The following OPCML variants were observed in gnomAD, a reference collection of about 807,000 sequenced individuals.
OPCML encodes opioid binding protein/cell adhesion molecule like.
In OPCML, 13 loss-of-function variants were observed where a neutral mutation model predicts 37.8. That is an observed-to-expected ratio of 0.34 (90% confidence interval 0.22 to 0.55). OPCML has a LOEUF of 0.55. Among genes scored for constraint, OPCML ranks in the 20% least tolerant of loss-of-function variants. The pLI, the probability that OPCML is intolerant of heterozygous loss-of-function variation, is 0.91. For synonymous variants in OPCML, 176 were observed against 168.8 expected, an observed-to-expected ratio of 1.04 and a Z score of -0.33; for missense variants, 341 against 435.6, an observed-to-expected ratio of 0.78 and a Z score of 1.93.
chr11:132,754,290 G>A lies in OPCML; in HGVS notation c.147-96971C>T, dbSNP rs192037726. Among the ~76,000 whole-genome samples the A allele has an allele frequency of 1.4e-3, 206 of 152,304 alleles. 1 individual carries two copies. Among genetic ancestry groups the A allele is most frequent in the African/African-American group, 4.5e-3 (188 of 41,570 alleles). On this transcript the variant is annotated intron_variant, in intron 2 of 7. Coordinates refer to ENST00000524381, the MANE Select transcript of OPCML (RefSeq NM_001012393.5). ...ATTCTGATGTGTTGTGGAGGGACCCGATGGGAGTTTATTGAATCATGGGGA... is the reference window on the plus strand; with the variant it reads ...ATTCTGATGTGTTGTGGAGGGACCCAATGGGAGTTTATTGAATCATGGGGA...
chr11:133,234,306 A>G (rs1203101571), intron 1 of OPCML, among the ~76,000 whole-genome samples: 1 of 152,168 alleles, frequency 6.6e-6, no homozygotes, highest in African/African-American at 2.4e-5. Context: ...GAATAACCAA[A>G]CCTCTGGTCT....
intron 1 of OPCML, among the ~76,000 whole-genome samples, chr11:133,358,451 G>T (rs1047633470): frequency 1.3e-5 from 2 of 152,090 alleles, no homozygotes; most frequent in African/African-American, 2.4e-5. Context: ...CTGTGCTATT[G>T]GACAAGCCAA....
In OPCML at chr11:133,173,750, G is replaced by A. The variant is rs2136273343; in HGVS notation, c.62-230740C>T. ...TTTAAGAATCTCTAAGAATGCATAA[G>A]TAAAGAAAAAATAGAATTACGTTTT... On this transcript the variant is annotated intron_variant, in intron 1 of 7. Coordinates refer to ENST00000524381, the MANE Select transcript of OPCML (RefSeq NM_001012393.5). This position sits in a 1 kb window ranked among gnomAD's most constrained non-coding sequence, Gnocchi z 7.8. Among the ~76,000 whole-genome samples the A allele has an allele frequency of 6.6e-6, 1 of 152,288 alleles. No individual in the cohort carries two copies.
intron 1 of OPCML, among the ~76,000 whole-genome samples, chr11:132,982,465 C>T (rs868431571): frequency 1.3e-5 from 2 of 150,294 alleles, no homozygotes; most frequent in South Asian, 2.1e-4. Context: ...AATAGGAATT[C>T]GTTGGACAAG....
intron 2 of OPCML, among the ~76,000 whole-genome samples, chr11:132,798,129 G>A (rs529719703): frequency 1.1e-4 from 16 of 151,890 alleles, no homozygotes; most frequent in Non-Finnish European, 1.5e-4. Context: ...ATCTCGGTTC[G>A]GCATGATCTC....
chr11:132,911,778 A>G (rs1944434626), intron 2 of OPCML, among the ~76,000 whole-genome samples: 1 of 152,204 alleles, frequency 6.6e-6, no homozygotes. Context: ...CAAAAATGAT[A>G]AAGTTTGTAG....
chr11:133,031,418 G>A (rs1339111029), intron 1 of OPCML, among the ~76,000 whole-genome samples: 18 of 151,140 alleles, frequency 1.2e-4, no homozygotes. Flanking sequence ...TGAATGGATG[G>A]ATGGATGGTT....
At chr11:133,483,713 T>TAGAC (rs1295443047) in intron 1 of OPCML, among the ~76,000 whole-genome samples, 57 of 146,336 alleles carry the variant, frequency 3.9e-4, no homozygotes, top group African/African-American at 1.4e-3. Context: ...GATAGATAGA[T>TAGAC]AGATAGATAA....
At chr11:133,430,398 A>T (rs991301802) in intron 1 of OPCML, among the ~76,000 whole-genome samples, 3 of 152,228 alleles carry the variant, frequency 2.0e-5, no homozygotes, top group African/African-American at 7.2e-5. Flanking sequence ...ATAAATCTTC[A>T]CATTAGTACA....
At chr11:133,326,298 G>T (rs1012340638) in intron 1 of OPCML, among the ~76,000 whole-genome samples, 7 of 54,980 alleles carry the variant, frequency 1.3e-4, no homozygotes, top group African/African-American at 1.1e-3. Flanking sequence ...GGTGTGTGTG[G>T]GGGTGTGGGT....
intron 1 of OPCML, among the ~76,000 whole-genome samples, chr11:132,974,756 C>T (rs1311186378): frequency 1.3e-5 from 2 of 152,108 alleles, no homozygotes; most frequent in Admixed American, 6.5e-5. Flanking sequence ...CTTCTCGAGA[C>T]TTCTCTGTAT....
chr11:133,059,036 T>C (rs1948292826), intron 1 of OPCML, among the ~76,000 whole-genome samples: 2 of 152,330 alleles, frequency 1.3e-5, no homozygotes, highest in Admixed American at 1.3e-4. Context: ...CTTTATCTTT[T>C]GTCATTGAAA....
chr11:132,678,362 T>C (rs1407513280), intron 2 of OPCML, among the ~76,000 whole-genome samples: 3 of 152,344 alleles, frequency 2.0e-5, no homozygotes, highest in Middle Eastern at 3.4e-3. Context: ...AAACGTACTC[T>C]TACCTTATAA....
intron 2 of OPCML, among the ~76,000 whole-genome samples, chr11:132,939,661 C>T (rs1945509590): frequency 6.6e-6 from 1 of 152,154 alleles, no homozygotes; most frequent in African/African-American, 2.4e-5. Flanking sequence ...GAGATTGAGG[C>T]CTGTGAAGAA....
At chr11:133,209,811 G>A (rs975063538) in intron 1 of OPCML, among the ~76,000 whole-genome samples, 6 of 152,184 alleles carry the variant, frequency 3.9e-5, no homozygotes, top group African/African-American at 1.4e-4. Flanking sequence ...ATCCATTAAT[G>A]CCCTTGCATC....
intron 1 of OPCML, among the ~76,000 whole-genome samples, chr11:133,103,653 T>C (rs990066624): frequency 6.6e-6 from 1 of 152,232 alleles, no homozygotes; most frequent in Non-Finnish European, 1.5e-5. Flanking sequence ...ATTTCATGTG[T>C]TGTTGTGTTA....
intron 1 of OPCML, among the ~76,000 whole-genome samples, chr11:133,034,491 A>T (rs1947739714): frequency 6.6e-6 from 1 of 152,230 alleles, no homozygotes; most frequent in Non-Finnish European, 1.5e-5. Flanking sequence ...TATGGCGTGC[A>T]GCATTTTTAA....
intron 7 of OPCML, 55 bp downstream of exon 7, chr11:132,436,031 C>T (rs938182752): frequency 1.5e-4 from 244 of 1,577,608 alleles, no homozygotes; most frequent in Middle Eastern, 3.4e-4. Flanking sequence ...CCTCCTGAGT[C>T]CCTCAAGCTT....
rs559232125 is a variant in OPCML, at chr11:132,620,293, T to G, written c.379+36794A>C. Among the ~76,000 whole-genome samples, 72 of 152,314 alleles carry G rather than the reference T, an allele frequency of 4.7e-4. No homozygotes were observed. In the South Asian group the frequency reaches 0.01, roughly 22 times the overall value. On this transcript the variant is annotated intron_variant, in intron 3 of 7. Transcript: ENST00000524381. ...GAACTTGGTCATTCAAACCCTCAGA[T>G]AAGTTGTTTCTTTCTCAGTCCAATA...
Sources: allele counts gnomAD v4.1 joint callset (sites outside exome capture counted in the v4.1 genomes callset), GRCh38; gene constraint gnomAD v4.1.1; non-coding constraint Gnocchi (gnomAD v3.1); transcripts MANE v1.5; gene names NCBI Gene and HGNC (gene_info 2026-07-23, HGNC 2026-07-21).